The following NIPBL variants were observed in gnomAD, a reference collection of about 807,000 sequenced individuals.
The protein encoded by NIPBL is NIPBL cohesin loading factor, also known as nipped-B-like protein.
Under a neutral mutation model 321.8 loss-of-function variants are expected in NIPBL, and 19 were observed. The ratio of observed to expected loss-of-function variants is 0.06; its 90% CI spans 0.04 to 0.09. The LOEUF is 0.09. NIPBL is among the 10% of genes least tolerant of loss of function. The pLI is 1.00. For missense variants in NIPBL, 2,210 were observed against 3,327.0 expected, an observed-to-expected ratio of 0.66 and a Z score of 8.26; for synonymous variants, 1,106 against 1,114.1, an observed-to-expected ratio of 0.99 and a Z score of 0.14.
chr5:37,046,634 G>A (rs1753011623), intron 38 of NIPBL, among the ~76,000 whole-genome samples: 1 of 152,158 alleles, frequency 6.6e-6, no homozygotes, highest in South Asian at 2.1e-4. Flanking sequence ...AGTCTACACT[G>A]ACTTATTTAT....
intron 1 of NIPBL, among the ~76,000 whole-genome samples, chr5:36,952,083 T>TGCGC (rs1561070623): frequency 2.1e-5 from 3 of 144,910 alleles, no homozygotes; most frequent in Admixed American, 6.8e-5. Context: ...CATGTGTGTG[T>TGCGC]GTAGCAGTTT....
At chr5:36,945,407 T>C (rs1264819025) in intron 1 of NIPBL, among the ~76,000 whole-genome samples, 3 of 152,224 alleles carry the variant, frequency 2.0e-5, no homozygotes, top group Non-Finnish European at 2.9e-5. Context: ...AACATACACA[T>C]ATTTTATAAA....
intron 1 of NIPBL, among the ~76,000 whole-genome samples, chr5:36,900,087 T>A (rs1747086058): frequency 6.6e-6 from 1 of 152,186 alleles, no homozygotes; most frequent in Non-Finnish European, 1.5e-5. Flanking sequence ...GTTTTGAATA[T>A]TTGACTGGCA....
chr5:36,919,488 T>C (rs1445404288), intron 1 of NIPBL, among the ~76,000 whole-genome samples: 1 of 152,118 alleles, frequency 6.6e-6, no homozygotes, highest in Non-Finnish European at 1.5e-5. Flanking sequence ...CATGTACCAC[T>C]GCACCGAGTA....
chr5:36,965,429 A>G (rs293753), intron 6 of NIPBL, among the ~76,000 whole-genome samples: 32,654 of 152,090 alleles, frequency 0.21, 4,806 homozygotes, highest in African/African-American at 0.41. Flanking sequence ...ACACAGACAA[A>G]TATTATATGT....
At chr5:36,936,713 A>T (rs1738470935) in intron 1 of NIPBL, among the ~76,000 whole-genome samples, 1 of 152,072 alleles carries the variant, frequency 6.6e-6, no homozygotes, top group African/African-American at 2.4e-5. Flanking sequence ...GTTTATCTTG[A>T]CCTAACAAGT....
At position 36,976,115 on chromosome 5, in the gene NIPBL, C is replaced by T. The variant is rs746183321; in HGVS notation, c.1208C>T (p.Thr403Ile). The change falls in exon 9 of 47, where the codon ACA becomes ATA. Residue 403 changes from threonine to isoleucine, a missense_variant. Around this residue, in one of 14 missense-constraint regions of NIPBL, gnomAD observed 464 missense variants for 529.5 expected, o/e 0.88. Coordinates refer to ENST00000282516, the MANE Select transcript of NIPBL (RefSeq NM_133433.4). ...CAGTACCCAGGACAGACTTCAAAAA[C>T]ACCCATTACTCCACAAGATATAAAC... ...NVQYPGQTSKTPITPQDINRP... is the reference protein window; with the variant it reads ...NVQYPGQTSKIPITPQDINRP... 1.8e-5 allele frequency: 29 copies of T among 1,613,984 alleles called. 1 individual carries two copies. In the Middle Eastern group the frequency reaches 4.9e-4, roughly 28 times the overall value.
At chr5:37,041,845 G>C (rs1054922406) in intron 34 of NIPBL, among the ~76,000 whole-genome samples, 2 of 148,930 alleles carry the variant, frequency 1.3e-5, no homozygotes, top group African/African-American at 5.0e-5. Flanking sequence ...GATTATAGGC[G>C]TGAGCCACTG....
rs1211780414 is a variant in NIPBL, at chr5:36,996,194, CAAT to C, written c.3304+391_3304+393del. On this transcript the variant is annotated intron_variant, in intron 11 of 46. Coordinates refer to ENST00000282516, the MANE Select transcript of NIPBL (RefSeq NM_133433.4). This position sits in a 1 kb window ranked among gnomAD's most constrained non-coding sequence, Gnocchi z 5.0. Reference sequence around the variant, plus strand: ...TAATTGCAGTATGCTGATAAAAGTACAATGATAACAGTAAATCCAGGGTGCTAT... The same window carrying C: ...TAATTGCAGTATGCTGATAAAAGTACGATAACAGTAAATCCAGGGTGCTAT... 1.3e-5 allele frequency among the ~76,000 whole-genome samples: 2 copies of C among 152,030 alleles called. No homozygotes were observed. The highest frequency in any genetic ancestry group is 2.9e-5 in the Non-Finnish European group (2 of 68,002).
chr5:37,029,061 G>A (rs1750651620), intron 32 of NIPBL, among the ~76,000 whole-genome samples: 1 of 152,074 alleles, frequency 6.6e-6, no homozygotes, highest in Non-Finnish European at 1.5e-5. Flanking sequence ...TTTTAATCTA[G>A]GAGACAAATA....
Position 37,057,317 on chromosome 5 carries a change from G to T in NIPBL, c.7395G>T (p.Leu2465=), listed in dbSNP as rs758218536. The T allele has an allele frequency of 1.1e-5, 17 of 1,613,624 alleles. No individual in the cohort carries two copies. The highest frequency in any genetic ancestry group is 1.4e-5 in the Non-Finnish European group (17 of 1,179,650). Reference sequence around the variant, plus strand: ...TCTCAGTTTCTGGTAGTAACCTACTGCAGTCATTCAAGGAGGTAAGTTACA... The same window carrying T: ...TCTCAGTTTCTGGTAGTAACCTACTTCAGTCATTCAAGGAGGTAAGTTACA... The part of the protein sequence containing the change: ...ITLSVSGSNL[L]QSFKESMVKD... The change falls in exon 43 of 47, where the codon CTG becomes CTT. Residue 2465 remains leucine (L), a synonymous_variant. Coordinates refer to ENST00000282516, the MANE Select transcript of NIPBL (RefSeq NM_133433.4).
chr5:36,884,575 G>T (rs557587309), intron 1 of NIPBL, among the ~76,000 whole-genome samples: 1 of 151,884 alleles, frequency 6.6e-6, no homozygotes, highest in African/African-American at 2.4e-5. Context: ...TCCTATATTC[G>T]TCAGCCATAC....
chr5:36,901,662 A>G (rs549632408), intron 1 of NIPBL, among the ~76,000 whole-genome samples: 1 of 152,076 alleles, frequency 6.6e-6, no homozygotes, highest in African/African-American at 2.4e-5. Context: ...GGCGTGCACC[A>G]CCACACCCAA....
At chr5:36,895,367 G>A (rs1167867088) in intron 1 of NIPBL, among the ~76,000 whole-genome samples, 5 of 152,094 alleles carry the variant, frequency 3.3e-5, no homozygotes, top group African/African-American at 9.7e-5. Flanking sequence ...TTGCTTTGTC[G>A]CTTGATGGAC....
intron 1 of NIPBL, among the ~76,000 whole-genome samples, chr5:36,935,250 T>C (rs761484725): frequency 5.3e-5 from 8 of 152,174 alleles, no homozygotes; most frequent in Admixed American, 1.3e-4. Flanking sequence ...TCCTAGATGA[T>C]TGTTTCATTC....
At chr5:37,003,368 G>A (rs747124472) in intron 16 of NIPBL, 21 bp downstream of exon 16, 2 of 1,408,738 alleles carry the variant, frequency 1.4e-6, no homozygotes, top group South Asian at 1.2e-5. Flanking sequence ...GATCCATACT[G>A]TTAATTTTAC....
intron 27 of NIPBL, among the ~76,000 whole-genome samples, chr5:37,021,088 C>T (rs868007108): frequency 8.5e-5 from 13 of 152,150 alleles, no homozygotes; most frequent in Middle Eastern, 3.2e-3. Context: ...CACCTGAGGT[C>T]AAGAGTTCGA....
intron 22 of NIPBL, among the ~76,000 whole-genome samples, 190 bp downstream of exon 22, chr5:37,014,955 CG>C (rs1447524330): frequency 6.6e-6 from 1 of 151,774 alleles, no homozygotes; most frequent in Non-Finnish European, 1.5e-5. Flanking sequence ...TGGGACTACA[CG>C]GGGGAAAAAA....
rs1755315086 is a variant in NIPBL, at chr5:37,065,924, T to A, written c.*1032T>A. 1 of 152,506 alleles carries A rather than the reference T, an allele frequency of 6.6e-6. No individual in the cohort carries two copies. The highest frequency in any genetic ancestry group is 6.5e-5 in the Admixed American group (1 of 15,278). 9.4% of individuals were successfully genotyped at this position (152,506 alleles called of 1,614,324 possible). ...GTTATTTGGAAAACCAGCATTTCTC[T>A]TGGTTAAAATGATGTCCGGTTATTT... On this transcript the variant is annotated 3_prime_UTR_variant, in exon 47 of 47. Coordinates refer to ENST00000282516, the MANE Select transcript of NIPBL (RefSeq NM_133433.4).
Sources: gnomAD v4.1 joint callset for allele counts (sites outside exome capture counted in the v4.1 genomes callset) on GRCh38, gnomAD v4.1.1 for gene constraint, gnomAD v4.1.1 regional missense constraint, Gnocchi (gnomAD v3.1) non-coding constraint, MANE v1.5 for transcripts, NCBI Gene and HGNC (gene_info 2026-07-23, HGNC 2026-07-21) for gene names.